Variants in SLC5A5 observed in about 807,000 individuals in gnomAD.
SLC5A5 encodes the protein solute carrier family 5 member 5, also known as sodium/iodide cotransporter.
Under a neutral mutation model 68.6 loss-of-function variants are expected in SLC5A5, and 56 were observed. That is an observed-to-expected ratio of 0.82 (90% CI 0.66 to 1.02). The LOEUF is 1.02. Among genes scored for constraint, SLC5A5 ranks in the 50% least tolerant of loss-of-function variants. The pLI, the probability that SLC5A5 is intolerant of heterozygous loss-of-function variation, is 0.00. For synonymous variants in SLC5A5, 398 were observed against 373.0 expected, an observed-to-expected ratio of 1.07 and a Z score of -0.77; for missense variants, 807 against 859.8, an observed-to-expected ratio of 0.94 and a Z score of 0.77.
intron 4 of SLC5A5, 64 bp downstream of exon 4, chr19:17,874,795 ACT>A: frequency 6.6e-7 from 1 of 1,513,364 alleles, no homozygotes; most frequent in Non-Finnish European, 9.1e-7. Flanking sequence ...TTGTGGGGAG[ACT>A]CTGGGCTTGC....
intron 7 of SLC5A5, among the ~76,000 whole-genome samples, chr19:17,878,983 A>G (rs1263196341): frequency 2.7e-5 from 4 of 148,928 alleles, no homozygotes; most frequent in South Asian, 4.3e-4. Context: ...TCAAAAAAAA[A>G]AAAAACAAAA....
chr19:17,881,286 G>A (rs562403000), intron 8 of SLC5A5, among the ~76,000 whole-genome samples: 137 of 148,862 alleles, frequency 9.2e-4, no homozygotes, highest in African/African-American at 3.3e-3. Flanking sequence ...TTTTTTTTCC[G>A]GATGGAGTCT....
Position 17,876,565 on chromosome 19 carries a change from T to TA in SLC5A5, c.698+465dup, listed in dbSNP as rs547230336. Among the ~76,000 whole-genome samples the TA allele has an allele frequency of 3.7e-4, 55 of 147,556 alleles. 1 individual carries two copies. In the East Asian group the frequency reaches 7.5e-3, roughly 20 times the overall value. Reference sequence around the variant, plus strand: ...CGACATCGAGAAACCCCATCTCTACTAAAAAATACAAAATTAGGCTGGGCG... The same window carrying TA: ...CGACATCGAGAAACCCCATCTCTACTAAAAAAATACAAAATTAGGCTGGGCG... On this transcript the variant is annotated intron_variant, in intron 5 of 14. Transcript: ENST00000222248.
chr19:17,885,169 G>A (rs186502171), intron 12 of SLC5A5, among the ~76,000 whole-genome samples: 1 of 151,188 alleles, frequency 6.6e-6, no homozygotes, highest in African/African-American at 2.4e-5. Context: ...ATCATGTCCT[G>A]CTTGTTTTTA....
intron 14 of SLC5A5, among the ~76,000 whole-genome samples, chr19:17,891,394 T>G (rs1010900223): frequency 6.6e-6 from 1 of 151,896 alleles, no homozygotes; most frequent in African/African-American, 2.4e-5. Flanking sequence ...TTAGTAGAGA[T>G]GGGGTTTCAC....
In SLC5A5 at chr19:17,874,526, G is replaced by T; in HGVS notation, c.456G>T (p.Pro152=). 6.2e-7 allele frequency: 1 copy of T among 1,613,908 alleles called. No individual in the cohort carries two copies. Among genetic ancestry groups the T allele is most frequent in the South Asian group, 1.1e-5 (1 of 91,062 alleles). ...MLYTGIVIYA[P]ALILNQVTGL... ...ACACCGGCATCGTAATCTACGCACC[G>T]GCCCTCATCCTGAACCAAGGTGTGA... is the stretch of plus-strand genomic sequence containing the variant. Residue 152 remains proline, a synonymous_variant, in exon 3 of 15, where the codon CCG becomes CCT. Coordinates refer to ENST00000222248, the MANE Select transcript of SLC5A5 (RefSeq NM_000453.3).
At position 17,877,878 on chromosome 19, in the gene SLC5A5, G is replaced by A; in HGVS notation, c.839+15G>A. ...CAGGCCAAGCTGTGAGTGTTTCGGG[G>A]AGCAAGGTCGGGGTTTCTGGGACAT... On this transcript the variant is annotated intron_variant, in intron 6 of 14. Coordinates refer to ENST00000222248, the MANE Select transcript of SLC5A5 (RefSeq NM_000453.3). The A allele has an allele frequency of 6.2e-7, 1 of 1,614,142 alleles. No individual in the cohort carries two copies. The highest frequency in any genetic ancestry group is 8.5e-7 in the Non-Finnish European group (1 of 1,180,048).
intron 12 of SLC5A5, among the ~76,000 whole-genome samples, chr19:17,887,255 C>G (rs2029953828): frequency 6.6e-6 from 1 of 152,150 alleles, no homozygotes; most frequent in Admixed American, 6.6e-5. Flanking sequence ...AGGTTGTCTT[C>G]ATTCTCTCGA....
chr19:17,889,139 G>C (rs2030052957), intron 13 of SLC5A5, among the ~76,000 whole-genome samples: 1 of 151,938 alleles, frequency 6.6e-6, no homozygotes, highest in Non-Finnish European at 1.5e-5. Context: ...GCTCATGCCT[G>C]TTATCCCAGC....
chr19:17,883,617 T>A, intron 10 of SLC5A5, 64 bp from the exon 11 acceptor site: 1 of 1,345,728 alleles, frequency 7.4e-7, no homozygotes, highest in South Asian at 1.2e-5. Flanking sequence ...TCCCAGCGGG[T>A]AAACTGAGGC....
chr19:17,894,150 T>TTC lies in SLC5A5; in HGVS notation c.*274_*275insCT. ...CTGGGTTTTTCTCTCTCTCTTTTTTTTTTTTTTTTTTTTTTGAGACAGGGT... is the reference window on the plus strand; with the variant it reads ...CTGGGTTTTTCTCTCTCTCTTTTTTTTCTTTTTTTTTTTTTTTGAGACAGGGT... On this transcript the variant is annotated 3_prime_UTR_variant, in exon 15 of 15. Transcript: ENST00000222248. 2.8e-6 allele frequency: 1 copy of TTC among 359,120 alleles called. No individual in the cohort carries two copies. Among genetic ancestry groups the TTC allele is most frequent in the Middle Eastern group, 9.3e-4 (1 of 1,070 alleles). 22.2% of individuals were successfully genotyped at this position (359,120 alleles called of 1,614,324 possible).
chr19:17,880,427 C>T (rs887833902), intron 7 of SLC5A5, among the ~76,000 whole-genome samples: 1 of 152,150 alleles, frequency 6.6e-6, no homozygotes, highest in Non-Finnish European at 1.5e-5. Flanking sequence ...GTTGGCCAGG[C>T]TGGTCTTGAA....
In SLC5A5 at chr19:17,877,946, G is replaced by T. The variant is rs1295989235; in HGVS notation, c.840-18G>T. 6.2e-7 allele frequency: 1 copy of T among 1,613,720 alleles called. No individual in the cohort carries two copies. Among genetic ancestry groups the T allele is most frequent in the Non-Finnish European group, 8.5e-7 (1 of 1,180,046 alleles). On this transcript the variant is annotated intron_variant, in intron 6 of 14. Coordinates refer to ENST00000222248, the MANE Select transcript of SLC5A5 (RefSeq NM_000453.3). Reference sequence around the variant, plus strand: ...GCCTGAGGCTATCCCCTAAGCCTGAGGCTGCCTCTTCCCCCAGGGCCCTGC... The same window carrying T: ...GCCTGAGGCTATCCCCTAAGCCTGATGCTGCCTCTTCCCCCAGGGCCCTGC...
intron 12 of SLC5A5, among the ~76,000 whole-genome samples, chr19:17,886,497 G>A (rs1568424907): frequency 1.3e-5 from 2 of 151,780 alleles, no homozygotes; most frequent in African/African-American, 4.8e-5. Flanking sequence ...TAGTAGAGAA[G>A]GGGTTTCACC....
chr19:17,883,083 G>A (rs911383007), intron 10 of SLC5A5, among the ~76,000 whole-genome samples: 11 of 151,738 alleles, frequency 7.2e-5, no homozygotes, highest in African/African-American at 2.7e-4. Flanking sequence ...GCCTCCCAAA[G>A]TGTTGGGATT....
Position 17,894,031 on chromosome 19 carries a change from C to G in SLC5A5, c.*154C>G. The stretch of plus-strand genomic sequence containing the variant: ...CAATACCCTACCCTATGGGGAGGCC[C>G]TGCCTCCGGGAGGTCATTTTTTAAA... On this transcript the variant is annotated 3_prime_UTR_variant, in exon 15 of 15. Coordinates refer to ENST00000222248, the MANE Select transcript of SLC5A5 (RefSeq NM_000453.3). 1 of 753,554 alleles carries G rather than the reference C, an allele frequency of 1.3e-6. No individual in the cohort carries two copies. The highest frequency in any genetic ancestry group is 2.2e-6 in the Non-Finnish European group (1 of 453,858). 46.7% of individuals were successfully genotyped at this position (753,554 alleles called of 1,614,324 possible). A position where few individuals can be genotyped will look rare whatever the true frequency, so the allele number is the denominator to read the frequency against.
intron 10 of SLC5A5, among the ~76,000 whole-genome samples, chr19:17,882,517 CTTTT>C (rs745349830): frequency 7.8e-6 from 1 of 128,160 alleles, no homozygotes. Context: ...TTTCTTTTTT[CTTTT>C]TTTTTTTTTT....
intron 4 of SLC5A5, among the ~76,000 whole-genome samples, chr19:17,874,932 TC>T (rs1203819931): frequency 1.3e-5 from 2 of 152,158 alleles, no homozygotes; most frequent in Non-Finnish European, 2.9e-5. Context: ...CATGGCTGGA[TC>T]CAGGCTTCCA....
intron 12 of SLC5A5, among the ~76,000 whole-genome samples, chr19:17,888,115 T>G (rs538817785): frequency 6.6e-6 from 1 of 152,212 alleles, no homozygotes; most frequent in East Asian, 1.9e-4. Flanking sequence ...TTTAGTAATG[T>G]GCCCTTTGGC....
Sources: gnomAD v4.1 joint callset for allele counts (sites outside exome capture counted in the v4.1 genomes callset) on GRCh38, gnomAD v4.1.1 for gene constraint, MANE v1.5 for transcripts, NCBI Gene and HGNC (gene_info 2026-07-23, HGNC 2026-07-21) for gene names.